The following WWOX variants were observed in gnomAD, a reference collection of about 807,000 sequenced individuals.
The protein encoded by WWOX is WW domain containing oxidoreductase, also known as WW domain-containing oxidoreductase.
In WWOX, 69 loss-of-function variants were observed where a neutral mutation model predicts 46.2. The observed-to-expected ratio is 1.49, with a 90% CI of 1.23 to 1.82. The LOEUF (loss-of-function observed/expected upper bound fraction) is 1.82. Among genes scored for constraint, WWOX ranks in the 40% most tolerant of loss-of-function variants. The pLI, the probability that WWOX is intolerant of heterozygous loss-of-function variation, is 0.00. For missense variants in WWOX, 919 were observed against 542.6 expected, an observed-to-expected ratio of 1.69 and a Z score of -6.89; for synonymous variants, 359 against 202.6, an observed-to-expected ratio of 1.77 and a Z score of -6.56.
intron 8 of WWOX, among the ~76,000 whole-genome samples, chr16:78,539,946 C>T (rs16948039): frequency 0.023 from 3,433 of 151,878 alleles, 85 homozygotes; most frequent in African/African-American, 0.055. Context: ...ACAGGCCTTT[C>T]CCATTTCACA....
intron 8 of WWOX, among the ~76,000 whole-genome samples, chr16:78,533,808 C>T (rs935825852): frequency 2.0e-4 from 31 of 152,174 alleles, no homozygotes; most frequent in African/African-American, 7.0e-4. Context: ...TCAGAACTCG[C>T]TGGTTCTCGT....
chr16:78,184,848 G>A (rs1485642624), intron 5 of WWOX, among the ~76,000 whole-genome samples: 1 of 152,144 alleles, frequency 6.6e-6, no homozygotes, highest in Admixed American at 6.5e-5. Flanking sequence ...TTATGTGTTG[G>A]GACAGTCTAA....
At chr16:78,821,432 G>C (rs12443743) in intron 8 of WWOX, among the ~76,000 whole-genome samples, 1 of 151,870 alleles carries the variant, frequency 6.6e-6, no homozygotes, top group Non-Finnish European at 1.5e-5. Context: ...TTGAAAACCC[G>C]GTGGCTAATA....
intron 8 of WWOX, among the ~76,000 whole-genome samples, chr16:78,927,722 C>G (rs1475919330): frequency 6.6e-6 from 1 of 152,078 alleles, no homozygotes; most frequent in East Asian, 1.9e-4. Flanking sequence ...GGTGCCTGGG[C>G]TTGTATCTTT....
At chr16:78,250,886 A>C (rs545856237) in intron 5 of WWOX, among the ~76,000 whole-genome samples, 1 of 152,242 alleles carries the variant, frequency 6.6e-6, no homozygotes, top group East Asian at 1.9e-4. Context: ...GGCAATCTTC[A>C]TTTAACTCCA....
chr16:78,808,265 AC>A (rs1403649338), intron 8 of WWOX, among the ~76,000 whole-genome samples: 3 of 152,148 alleles, frequency 2.0e-5, no homozygotes, highest in African/African-American at 7.2e-5. Flanking sequence ...GCAGTCATTC[AC>A]CCCTTTGGAC....
chr16:78,371,542 A>G lies in WWOX; in HGVS notation c.517-15318A>G, dbSNP rs1031126767. Among the ~76,000 whole-genome samples, 48 of 151,870 alleles carry G rather than the reference A, an allele frequency of 3.2e-4. 1 individual carries two copies. The highest frequency in any genetic ancestry group is 2.4e-5 in the African/African-American group (1 of 41,282). On this transcript the variant is annotated intron_variant, in intron 5 of 8. Coordinates refer to ENST00000566780, the MANE Select transcript of WWOX (RefSeq NM_016373.4). ...TCCATTTTGTCTTTTACTTATTTCTATTATAAATGGTTAATCTCTTCTACT... is the reference window on the plus strand; with the variant it reads ...TCCATTTTGTCTTTTACTTATTTCTGTTATAAATGGTTAATCTCTTCTACT...
chr16:78,710,490 ATATATATATT>A (rs1567507558), intron 8 of WWOX, among the ~76,000 whole-genome samples: 1 of 134,696 alleles, frequency 7.4e-6, no homozygotes, highest in East Asian at 2.2e-4. Flanking sequence ...ATATATATAT[ATATATATATT>A]TATATAAATA....
Position 79,035,093 on chromosome 16 carries a change from CAAAT to C in WWOX, c.1057-176509_1057-176506del, listed in dbSNP as rs1371740382. ...TATCCAGTAAAGTGAAACAAACAAA[CAAAT>C]AAATACACTTTTTTCAAGAAAAAAT... On this transcript the variant is annotated intron_variant, in intron 8 of 8. Coordinates refer to ENST00000566780, the MANE Select transcript of WWOX (RefSeq NM_016373.4). 6.6e-5 allele frequency among the ~76,000 whole-genome samples: 10 copies of C among 152,248 alleles called. No individual in the cohort carries two copies. The East Asian group carries it at 1.2e-3, about 18-fold the overall frequency.
intron 8 of WWOX, among the ~76,000 whole-genome samples, chr16:79,187,909 C>T (rs1285207858): frequency 1.3e-5 from 2 of 152,200 alleles, no homozygotes; most frequent in Non-Finnish European, 2.9e-5. Context: ...AGCTGTGAGT[C>T]CTTCCTGTGC....
At chr16:78,592,246 C>G (rs1268406905) in intron 8 of WWOX, among the ~76,000 whole-genome samples, 3 of 152,264 alleles carry the variant, frequency 2.0e-5, no homozygotes. Context: ...TACTGTGTCA[C>G]TTTTTAGAGG....
chr16:79,204,778 G>C (rs2051453740), intron 8 of WWOX: 4 of 152,244 alleles, frequency 2.6e-5, no homozygotes, highest in Admixed American at 1.3e-4. Flanking sequence ...GGGACTGGCT[G>C]CCTATTTTTC....
chr16:78,831,062 C>A (rs903209228), intron 8 of WWOX, among the ~76,000 whole-genome samples: 7 of 152,140 alleles, frequency 4.6e-5, no homozygotes, highest in African/African-American at 1.7e-4. Context: ...GGAGTGAATT[C>A]TGTAAGAGAA....
intron 8 of WWOX, among the ~76,000 whole-genome samples, chr16:78,933,449 CAAACA>C (rs1269625654): frequency 1.3e-5 from 2 of 150,842 alleles, no homozygotes; most frequent in African/African-American, 5.0e-5. Context: ...AAGAAACAAA[CAAACA>C]AAAAAAGTCA....
chr16:78,904,234 CTTTTTTT>C (rs5818190), intron 8 of WWOX, among the ~76,000 whole-genome samples: 125 of 85,794 alleles, frequency 1.5e-3, no homozygotes, highest in African/African-American at 4.8e-3. Context: ...TTATAAATGC[CTTTTTTT>C]TTTTTTTTTT....
intron 8 of WWOX, among the ~76,000 whole-genome samples, chr16:79,095,963 C>T (rs1408882797): frequency 6.6e-5 from 10 of 150,446 alleles, no homozygotes. Flanking sequence ...GATTTTCCCA[C>T]CTCAGCCTCC....
At chr16:78,375,845 G>A (rs945582079) in intron 5 of WWOX, among the ~76,000 whole-genome samples, 3 of 142,740 alleles carry the variant, frequency 2.1e-5, no homozygotes, top group Admixed American at 7.5e-5. Context: ...TGAGTAACAT[G>A]TATAGGATTT....
intron 8 of WWOX, among the ~76,000 whole-genome samples, chr16:78,833,778 A>T (rs1210921093): frequency 1.3e-5 from 2 of 152,244 alleles, no homozygotes; most frequent in African/African-American, 4.8e-5. Context: ...ACTGAGGCAT[A>T]AGAGGATCCG....
At chr16:78,478,296 C>G (rs369132385) in intron 8 of WWOX, among the ~76,000 whole-genome samples, 4 of 152,132 alleles carry the variant, frequency 2.6e-5, no homozygotes, top group Non-Finnish European at 4.4e-5. Flanking sequence ...AAAACAAACA[C>G]AGTGTATCCA....
Sources: gnomAD v4.1 joint callset for allele counts (sites outside exome capture counted in the v4.1 genomes callset) on GRCh38, gnomAD v4.1.1 for gene constraint, MANE v1.5 for transcripts, NCBI Gene and HGNC (gene_info 2026-07-23, HGNC 2026-07-21) for gene names.